The following NEDD9 variants were observed in gnomAD, a reference collection of about 807,000 sequenced individuals.
NEDD9 encodes the protein neural precursor cell expressed, developmentally down-regulated 9, also known as enhancer of filamentation 1.
Under a neutral mutation model 76.6 loss-of-function variants are expected in NEDD9, and 26 were observed. The ratio of observed to expected loss-of-function variants is 0.34; its 90% CI spans 0.25 to 0.47. NEDD9 has a LOEUF of 0.47. Among genes scored for constraint, NEDD9 ranks in the 20% least tolerant of loss-of-function variants. NEDD9 has a pLI of 1.00. For missense variants in NEDD9, 937 were observed against 1,058.5 expected, an observed-to-expected ratio of 0.89 and a Z score of 1.59; for synonymous variants, 392 against 414.2, an observed-to-expected ratio of 0.95 and a Z score of 0.65.
intron 1 of NEDD9, among the ~76,000 whole-genome samples, chr6:11,339,018 G>A (rs1762221377): frequency 6.6e-6 from 1 of 150,418 alleles, no homozygotes. Context: ...CTGGATCTAG[G>A]TGCATATACA....
At chr6:11,215,128 C>T (rs180883590) in intron 1 of NEDD9, among the ~76,000 whole-genome samples, 5 of 152,254 alleles carry the variant, frequency 3.3e-5, no homozygotes, top group Non-Finnish European at 7.4e-5. Context: ...AGGGATCTGC[C>T]CTCTATTCAG....
Position 11,192,352 on chromosome 6 carries a change from G to A in NEDD9, c.656C>T (p.Thr219Ile), listed in dbSNP as rs775618261. 1.7e-5 allele frequency: 23 copies of A among 1,364,512 alleles called. No individual in the cohort carries two copies. The African/African-American group carries it at 3.0e-4, about 18-fold the overall frequency. The allele number at this position is 1,364,512 out of a possible 1,614,324, so 84.5% of individuals were successfully genotyped here. A position where few individuals can be genotyped will look rare whatever the true frequency, so the allele number is the denominator to read the frequency against. Reference sequence around the variant, plus strand: ...TTGTAGTCACTCACTCACCCCTTTTGTAGGCGGGATGTCATACACCCCTTG... The same window carrying A: ...TTGTAGTCACTCACTCACCCCTTTTATAGGCGGGATGTCATACACCCCTTG... ...KPQGVYDIPP[T>I]KGVYAIPPSA... The change falls in exon 4 of 7, where the codon ACA becomes ATA. Residue 219 changes from threonine to isoleucine, a missense_variant. By Grantham distance (89) the Thr-to-Ile change is moderately conservative. Transcript: ENST00000379446.
intron 2 of NEDD9, among the ~76,000 whole-genome samples, chr6:11,312,553 T>G (rs1180554448): frequency 6.6e-6 from 1 of 152,144 alleles, no homozygotes; most frequent in African/African-American, 2.4e-5. Context: ...CCAGAGCTGA[T>G]GTCTCTAAAA....
At chr6:11,229,625 T>G (rs1759411066) in intron 1 of NEDD9, among the ~76,000 whole-genome samples, 1 of 152,082 alleles carries the variant, frequency 6.6e-6, no homozygotes, top group African/African-American at 2.4e-5. Context: ...ATGAAGGGGA[T>G]TTTGTAGAAA....
rs76063639 is a variant in NEDD9 at position 11,346,292 on chromosome 6, A to G, written c.-213-11731T>C. Among the ~76,000 whole-genome samples the G allele has an allele frequency of 2.0e-5, 3 of 152,268 alleles. No homozygotes were observed. The East Asian group carries it at 5.8e-4, about 29-fold the overall frequency. ...GGAAGGGTTTTGTTCTGCACTAGGT[A>G]CTGATTCAGTACATTCTCCCAGTCC... On this transcript the variant is annotated intron_variant, in intron 1 of 3. Coordinates refer to the NEDD9 transcript ENST00000397378.
chr6:11,307,440 C>CA (rs1385828141), intron 2 of NEDD9, among the ~76,000 whole-genome samples: 1 of 152,182 alleles, frequency 6.6e-6, no homozygotes, highest in East Asian at 1.9e-4. Context: ...GTGGTTACCC[C>CA]AGTGTCTTGG....
At chr6:11,202,761 G>GAT (rs1327704786) in intron 2 of NEDD9, among the ~76,000 whole-genome samples, 24 of 152,120 alleles carry the variant, frequency 1.6e-4, no homozygotes, top group Non-Finnish European at 3.2e-4. Flanking sequence ...ATGCTTCTCT[G>GAT]GTGCTCATGA....
intron 2 of NEDD9, among the ~76,000 whole-genome samples, chr6:11,329,729 C>T: frequency 6.6e-6 from 1 of 151,980 alleles, no homozygotes; most frequent in South Asian, 2.1e-4. Flanking sequence ...TTAGCAATGT[C>T]TCGAGATGTT....
upstream of NEDD9, among the ~76,000 whole-genome samples, chr6:11,236,221 A>G (rs994360887): frequency 6.6e-6 from 1 of 152,182 alleles, no homozygotes; most frequent in African/African-American, 2.4e-5. This position sits in a 1 kb window ranked among gnomAD's most constrained non-coding sequence, Gnocchi z 5.5. Context: ...GAAATTGGCT[A>G]GAACTCTGGG....
At position 11,189,975 on chromosome 6, in the gene NEDD9, C is replaced by T. The variant is rs775094801; in HGVS notation, c.1894G>A (p.Val632Ile). 1.5e-5 allele frequency: 23 copies of T among 1,516,148 alleles called. No individual in the cohort carries two copies. In the East Asian group the frequency reaches 4.1e-4, roughly 27 times the overall value. The allele number at this position is 1,516,148 out of a possible 1,614,324, so 93.9% of individuals were successfully genotyped here. The change falls in exon 5 of 7, where the codon GTC (valine) becomes ATC (isoleucine). Residue 632 changes from valine to isoleucine, a missense_variant. Physicochemically the swap from Val to Ile is conservative, Grantham distance 29 (BLOSUM62 3). Transcript: ENST00000379446. ...ERSWMDDYDY[V>I]HLQGKEEFER... Reference sequence around the variant, plus strand: ...TTCCGCTGTTTTACCTGTAGGTGGACGTAATCGTAGTCATCCATCCAGCTC... The same window carrying T: ...TTCCGCTGTTTTACCTGTAGGTGGATGTAATCGTAGTCATCCATCCAGCTC...
Position 11,292,690 on chromosome 6 carries a change from G to T in NEDD9, c.12+13302C>A, listed in dbSNP as rs1045953341. Among the ~76,000 whole-genome samples the T allele has an allele frequency of 3.9e-5, 6 of 152,150 alleles. No homozygotes were observed. In the South Asian group the frequency reaches 8.3e-4, roughly 21 times the overall value. On this transcript the variant is annotated intron_variant, in intron 3 of 3. Transcript: ENST00000397378. Reference sequence around the variant, plus strand: ...ATTGGTTTGAGTCTATAACTGATGTGATTTATGCATGTTTTAGTTTTGGAA... The same window carrying T: ...ATTGGTTTGAGTCTATAACTGATGTTATTTATGCATGTTTTAGTTTTGGAA...
chr6:11,191,196 T>A lies in NEDD9; in HGVS notation c.673A>T (p.Ile225Phe), dbSNP rs771731188. ...DIPPTKGVYA[I>F]PPSACRDEAG... The stretch of plus-strand genomic sequence containing the variant: ...TCATCCCGGCAAGCAGAGGGCGGAA[T>A]GGCATATACCTGCAAAGCAAGTAGA... Residue 225 changes from isoleucine to phenylalanine, a missense_variant, in exon 5 of 7, where the codon ATT (isoleucine) becomes TTT (phenylalanine). Ile to Phe is a conservative substitution (Grantham distance 21). Transcript: ENST00000379446. 1 of 1,599,150 alleles carries A rather than the reference T, an allele frequency of 6.3e-7. No individual in the cohort carries two copies. The highest frequency in any genetic ancestry group is 8.5e-7 in the Non-Finnish European group (1 of 1,173,190).
chr6:11,232,660 C>T lies in NEDD9; in HGVS notation c.-145G>A, dbSNP rs1376231060. On this transcript the variant is annotated 5_prime_UTR_variant, in exon 1 of 7. Transcript: ENST00000379446. ...CGCTTGTCAGTCGCAGCGCCTCCCT[C>T]AAGTCTCTGAGCTCACTGTTGTGAC... 5 of 1,539,770 alleles carry T rather than the reference C, an allele frequency of 3.2e-6. No homozygotes were observed. The highest frequency in any genetic ancestry group is 4.5e-5 in the East Asian group (2 of 44,034).
At chr6:11,195,930 G>A (rs1404578806) in intron 2 of NEDD9, among the ~76,000 whole-genome samples, 1 of 151,974 alleles carries the variant, frequency 6.6e-6, no homozygotes, top group African/African-American at 2.4e-5. Flanking sequence ...AGAGGCGGAG[G>A]TTGCAGTGGG....
chr6:11,294,615 A>G (rs776789469), intron 3 of NEDD9, among the ~76,000 whole-genome samples: 3 of 152,118 alleles, frequency 2.0e-5, no homozygotes, highest in Non-Finnish European at 4.4e-5. Context: ...TTTATAAATT[A>G]CCCAGTCTTA....
intron 2 of NEDD9, among the ~76,000 whole-genome samples, chr6:11,196,030 C>T (rs1758282535): frequency 6.6e-6 from 1 of 151,968 alleles, no homozygotes; most frequent in Admixed American, 6.6e-5. Flanking sequence ...ACAGGCTGGG[C>T]GTGGTGGCTC....
intron 3 of NEDD9, among the ~76,000 whole-genome samples, chr6:11,260,857 TGTGTGTGAGCATGTATGTGTGAGCAC>T (rs1229993937): frequency 6.6e-6 from 1 of 151,850 alleles, no homozygotes; most frequent in Non-Finnish European, 1.5e-5. Context: ...TGTGTGATAT[TGTGTGTGAGCATGTATGTGTGAGCAC>T]GTGTGTGAGC....
chr6:11,372,245 T>C (rs1046138453), intron 1 of NEDD9, among the ~76,000 whole-genome samples: 1 of 150,480 alleles, frequency 6.6e-6, no homozygotes, highest in Non-Finnish European at 1.5e-5. Context: ...AGTGAGAACA[T>C]GTGAAATTTG....
rs184956909 is a variant in NEDD9, at chr6:11,311,039, T to A, written c.-152-4884A>T. On this transcript the variant is annotated intron_variant, in intron 2 of 3. Coordinates refer to the NEDD9 transcript ENST00000397378. ...GCCTTCTATGGGACTTTTCTCCATA[T>A]ATGACCTCTCTCCTGACTTGCTCCC... 3.0e-3 allele frequency among the ~76,000 whole-genome samples: 452 copies of A among 152,268 alleles called. 1 individual carries two copies. Among genetic ancestry groups the A allele is most frequent in the Non-Finnish European group, 4.7e-3 (317 of 68,002 alleles).
Sources: gnomAD v4.1 joint callset for allele counts (sites outside exome capture counted in the v4.1 genomes callset) on GRCh38, gnomAD v4.1.1 for gene constraint, Gnocchi (gnomAD v3.1) non-coding constraint, MANE v1.5 for transcripts, NCBI Gene and HGNC (gene_info 2026-07-23, HGNC 2026-07-21) for gene names.